The following FAM193A variants were observed in gnomAD, a reference collection of about 807,000 sequenced individuals.
FAM193A encodes the protein protein FAM193A.
Under a neutral mutation model 126.5 loss-of-function variants are expected in FAM193A, and 22 were observed. That is an observed-to-expected ratio of 0.17 (90% confidence interval 0.12 to 0.25). The LOEUF (loss-of-function observed/expected upper bound fraction) is 0.25. Ranked by LOEUF, FAM193A falls within the 10% of genes least tolerant of loss-of-function variation. The pLI, the probability that FAM193A is intolerant of heterozygous loss-of-function variation, is 1.00. For synonymous variants in FAM193A, 761 were observed against 646.8 expected, an observed-to-expected ratio of 1.18 and a Z score of -2.68; for missense variants, 1,675 against 1,672.8, an observed-to-expected ratio of 1.00 and a Z score of -0.02.
At chr4:2,723,066 G>A (rs1227192672) in intron 20 of FAM193A, among the ~76,000 whole-genome samples, 2 of 152,196 alleles carry the variant, frequency 1.3e-5, no homozygotes, top group Non-Finnish European at 1.5e-5. Flanking sequence ...GAGGTCAGGA[G>A]ATCGAGACCA....
At chr4:2,618,535 C>G (rs1394866057) in intron 2 of FAM193A, among the ~76,000 whole-genome samples, 2 of 150,928 alleles carry the variant, frequency 1.3e-5, no homozygotes, top group African/African-American at 2.4e-5. Context: ...TCAAGTGATT[C>G]TCCTGCCTCA....
At chr4:2,583,969 G>GT (rs1293051633) in intron 1 of FAM193A, among the ~76,000 whole-genome samples, 2 of 152,172 alleles carry the variant, frequency 1.3e-5, no homozygotes, top group African/African-American at 2.4e-5. Flanking sequence ...GTTTTTTGGT[G>GT]TAAGTCCAGT....
At chr4:2,703,649 G>A (rs185405421) in intron 19 of FAM193A, among the ~76,000 whole-genome samples, 65 of 152,226 alleles carry the variant, frequency 4.3e-4, no homozygotes, top group African/African-American at 1.5e-3. Context: ...CACTTTCCCA[G>A]AAGGGAGAGG....
At chr4:2,634,743 A>T (rs1337492427) in intron 5 of FAM193A, among the ~76,000 whole-genome samples, 4 of 152,232 alleles carry the variant, frequency 2.6e-5, no homozygotes, top group Non-Finnish European at 2.9e-5. Context: ...TAAGATGTTG[A>T]AAAATCCTTC....
In FAM193A at chr4:2,612,891, G is replaced by A. The variant is rs1741961438; in HGVS notation, c.502-12371G>A. On this transcript the variant is annotated intron_variant, in intron 2 of 20. Coordinates refer to ENST00000637812, the MANE Select transcript of FAM193A (RefSeq NM_001366318.2). ...TTTCTTCTTTTTCAAAAGTGGTTTG[G>A]ATATATTAGATCCTTTGCATTGCTA... is the stretch of plus-strand genomic sequence containing the variant. Among the ~76,000 whole-genome samples, 4 of 152,260 alleles carry A rather than the reference G, an allele frequency of 2.6e-5. No homozygotes were observed. In the South Asian group the frequency reaches 8.3e-4, roughly 32 times the overall value.
In FAM193A at chr4:2,690,910, A is replaced by G; in HGVS notation, c.2743A>G (p.Thr915Ala). The G allele has an allele frequency of 6.2e-7, 1 of 1,613,848 alleles. No individual in the cohort carries two copies. Among genetic ancestry groups the G allele is most frequent in the Non-Finnish European group, 8.5e-7 (1 of 1,179,690 alleles). The change falls in exon 15 of 21, where the codon ACC becomes GCC. Residue 915 changes from threonine to alanine, a missense_variant. Thr to Ala is a moderately conservative substitution (Grantham distance 58, BLOSUM62 0). Around this residue, in one of 4 missense-constraint regions of FAM193A, gnomAD observed 1,186 missense variants for 1,109.2 expected, o/e 1.07. Coordinates refer to ENST00000637812, the MANE Select transcript of FAM193A (RefSeq NM_001366318.2). ...CACGTCCTCTGTGTCCTGCACAGCT[A>G]CCACAGTGCAGTCCAGCAACAGCCA... is the stretch of plus-strand genomic sequence containing the variant. ...SATSSVSCTA[T>A]TVQSSNSQFR...
rs746139236 is a variant in FAM193A, at chr4:2,690,857, A to G, written c.2690A>G (p.Asn897Ser). ...TTCCAAGATGCTTTCATGGAAGCAA[A>G]TAAAGTTGTCATGGCCACGTCATCA... is the stretch of plus-strand genomic sequence containing the variant. ...YNFQDAFMEA[N>S]KVVMATSSAT... The change falls in exon 15 of 21, where the codon AAT becomes AGT. Residue 897 changes from asparagine to serine, a missense_variant. This residue lies in a region of FAM193A where 1,186 missense variants were observed against 1,109.2 expected (regional missense o/e 1.07). Transcript: ENST00000637812. The G allele has an allele frequency of 6.2e-7, 1 of 1,614,230 alleles. No homozygotes were observed. The highest frequency in any genetic ancestry group is 1.7e-5 in the Admixed American group (1 of 60,034).
intron 1 of FAM193A, among the ~76,000 whole-genome samples, chr4:2,546,016 C>T (rs1578564783): frequency 6.6e-6 from 1 of 152,016 alleles, no homozygotes; most frequent in East Asian, 1.9e-4. Context: ...GGTGTGGTAG[C>T]AGGCGCCTGT....
chr4:2,655,185 A>T (rs1235979759), intron 7 of FAM193A: 1 of 631,328 alleles, frequency 1.6e-6, no homozygotes, highest in Non-Finnish European at 2.9e-6. Flanking sequence ...GATACTTTCT[A>T]GCAAATTAAA....
At chr4:2,713,421 T>A (rs1241600466) in intron 19 of FAM193A, among the ~76,000 whole-genome samples, 6 of 151,978 alleles carry the variant, frequency 3.9e-5, no homozygotes, top group Admixed American at 3.3e-4. Context: ...CAAAAAAAAA[T>A]TGGGGTATTA....
chr4:2,650,035 C>T lies in FAM193A; in HGVS notation c.1311+3203C>T, dbSNP rs1460940707. On this transcript the variant is annotated intron_variant, in intron 7 of 20. Transcript: ENST00000637812. ...GAGAATCTAATGCCTGATGATCTGT[C>T]ACTGTCTCCCATCACCCCTAGATGG... Among the ~76,000 whole-genome samples, 4 of 152,318 alleles carry T rather than the reference C, an allele frequency of 2.6e-5. No homozygotes were observed. The East Asian group carries it at 5.8e-4, about 22-fold the overall frequency.
At chr4:2,610,421 A>G (rs760633901) in intron 2 of FAM193A, among the ~76,000 whole-genome samples, 12 of 152,220 alleles carry the variant, frequency 7.9e-5, no homozygotes, top group Non-Finnish European at 1.8e-4. Flanking sequence ...TTAGAAACGT[A>G]CAGATTTCTT....
rs1742843623 is a variant in FAM193A, at chr4:2,625,324, G to A, written c.564G>A (p.Gly188=). 1 of 702,926 alleles carries A rather than the reference G, an allele frequency of 1.4e-6. No homozygotes were observed. The highest frequency in any genetic ancestry group is 2.6e-6 in the Non-Finnish European group (1 of 385,002). The allele number at this position is 702,926 out of a possible 1,614,324, so 43.5% of individuals were successfully genotyped here. Residue 188 remains glycine, a synonymous_variant, in exon 3 of 21, where the codon GGG becomes GGA. Transcript: ENST00000637812. ...CCCAGCCAGAGGCCGGCAGTGGTGG[G>A]AGGCTCGCTCTGGGTGCACAGACGC... ...GGSQPEAGSG[G]RLALGAQTLP...
Position 2,700,428 on chromosome 4 carries a change from C to T in FAM193A, c.4256C>T (p.Thr1419Ile), listed in dbSNP as rs767935893. ...TCAAACCCAACCCCTATGGAGCCCA[C>T]CTCTCCCGGTGAGCATCAGCAGAAC... The part of the protein sequence containing the change: ...EKSNPTPMEP[T>I]SPGEHQQNSK... Residue 1419 changes from threonine (T) to isoleucine (I), a missense_variant, in exon 19 of 21, where the codon ACC becomes ATC. Around this residue, in one of 4 missense-constraint regions of FAM193A, gnomAD observed 415 missense variants for 396.7 expected, o/e 1.05. Coordinates refer to ENST00000637812, the MANE Select transcript of FAM193A (RefSeq NM_001366318.2). 1.9e-6 allele frequency: 3 copies of T among 1,614,208 alleles called. No homozygotes were observed. The South Asian group carries it at 3.3e-5, about 18-fold the overall frequency.
rs146149176 is a variant in FAM193A, at chr4:2,633,775, C to T, written c.1038+2606C>T. Among the ~76,000 whole-genome samples, 198 of 152,244 alleles carry T rather than the reference C, an allele frequency of 1.3e-3. 1 individual carries two copies. The highest frequency in any genetic ancestry group is 4.7e-3 in the African/African-American group (194 of 41,550). ...TGGCGTGGTGGCACGCGCCTATAAT[C>T]CCAGCTACTTGGGAGGCTGAGGCAG... On this transcript the variant is annotated intron_variant, in intron 5 of 20. Coordinates refer to ENST00000637812, the MANE Select transcript of FAM193A (RefSeq NM_001366318.2).
intron 6 of FAM193A, among the ~76,000 whole-genome samples, chr4:2,643,403 T>A (rs971680141): frequency 8.5e-5 from 13 of 152,214 alleles, no homozygotes; most frequent in Admixed American, 1.3e-4. Flanking sequence ...TTTCATTTTT[T>A]AAAAATTATG....
chr4:2,700,271 C>T lies in FAM193A; in HGVS notation c.4099C>T (p.Pro1367Ser). Residue 1367 changes from proline to serine, a missense_variant, in exon 19 of 21, where the codon CCC becomes TCC. Around this residue, in one of 4 missense-constraint regions of FAM193A, gnomAD observed 415 missense variants for 396.7 expected, o/e 1.05. Transcript: ENST00000637812. The part of the protein sequence containing the change: ...PPKATEGQSK[P>S]RAQTESKAKV... Reference sequence around the variant, plus strand: ...CAAGGCCACAGAGGGGCAGTCCAAGCCCCGGGCCCAGACTGAGTCAAAGGC... The same window carrying T: ...CAAGGCCACAGAGGGGCAGTCCAAGTCCCGGGCCCAGACTGAGTCAAAGGC... The T allele has an allele frequency of 1.2e-6, 2 of 1,614,076 alleles. No homozygotes were observed. Among genetic ancestry groups the T allele is most frequent in the East Asian group, 2.2e-5 (1 of 44,858 alleles).
intron 1 of FAM193A, among the ~76,000 whole-genome samples, chr4:2,595,691 G>A (rs1740814433): frequency 6.6e-6 from 1 of 152,192 alleles, no homozygotes; most frequent in Non-Finnish European, 1.5e-5. Flanking sequence ...ACTTAAGCCA[G>A]AATTGCCATC....
At chr4:2,591,586 C>T (rs1174168562) in intron 1 of FAM193A, among the ~76,000 whole-genome samples, 1 of 152,056 alleles carries the variant, frequency 6.6e-6, no homozygotes, top group Non-Finnish European at 1.5e-5. Flanking sequence ...TGCTGTTACC[C>T]GAGAGGATAT....
Sources: allele counts gnomAD v4.1 joint callset (sites outside exome capture counted in the v4.1 genomes callset), GRCh38; gene constraint gnomAD v4.1.1; regional missense constraint gnomAD v4.1.1; transcripts MANE v1.5; gene names NCBI Gene and HGNC (gene_info 2026-07-23, HGNC 2026-07-21).